ACSM5: variants seen among roughly 807,000 people sequenced by gnomAD.
ACSM5 encodes the protein acyl-CoA synthetase medium chain family member 5.
In ACSM5, 56 loss-of-function variants were observed where a neutral mutation model predicts 71.6. That is an observed-to-expected ratio of 0.78 (90% CI 0.63 to 0.98). The LOEUF (loss-of-function observed/expected upper bound fraction) is 0.98, where lower values mean the gene tolerates loss of function less well. ACSM5 is among the 50% of genes least tolerant of loss of function. ACSM5 has a pLI of 0.00. For missense variants in ACSM5, 723 were observed against 726.0 expected, an observed-to-expected ratio of 1.00 and a Z score of 0.05; for synonymous variants, 285 against 281.5, an observed-to-expected ratio of 1.01 and a Z score of -0.12.
intron 12 of ACSM5, among the ~76,000 whole-genome samples, chr16:20,437,588 C>T (rs1967228672): frequency 6.7e-6 from 1 of 148,692 alleles, no homozygotes; most frequent in Admixed American, 6.7e-5. Context: ...TTTAAATGGA[C>T]ACAACTACAT....
In ACSM5 at chr16:20,431,558, A is replaced by G. The variant is rs149191478; in HGVS notation, c.1308+237A>G. ...ATAGTACAGGCAGGACATGGGATTTAAATGTGGGTGTGTCTGAAAGCGTAA... is the reference window on the plus strand; with the variant it reads ...ATAGTACAGGCAGGACATGGGATTTGAATGTGGGTGTGTCTGAAAGCGTAA... On this transcript the variant is annotated intron_variant, in intron 10 of 13. Transcript: ENST00000331849. Among the ~76,000 whole-genome samples the G allele has an allele frequency of 7.6e-4, 116 of 152,216 alleles. 1 individual carries two copies. Among genetic ancestry groups the G allele is most frequent in the African/African-American group, 2.7e-3 (112 of 41,500 alleles).
At chr16:20,418,349 G>A (rs1366578500) in intron 3 of ACSM5, 80 bp downstream of exon 3, 13 of 1,377,250 alleles carry the variant, frequency 9.4e-6, no homozygotes, top group Admixed American at 2.5e-5. Context: ...GGGTCTTGAA[G>A]ATGGAGCAAA....
Position 20,411,616 on chromosome 16 carries a change from G to T in ACSM5, c.132G>T (p.Leu44=). ...KIVATWEAIS[L]GRQLVPEYFN... Reference sequence around the variant, plus strand: ...TGGCCACCTGGGAAGCCATCAGCCTGGGAAGGCAGCTGGTGCCTGAGTACT... The same window carrying T: ...TGGCCACCTGGGAAGCCATCAGCCTTGGAAGGCAGCTGGTGCCTGAGTACT... The change falls in exon 2 of 14, where the codon CTG becomes CTT. Residue 44 remains leucine (L), a synonymous_variant. Coordinates refer to ENST00000331849, the MANE Select transcript of ACSM5 (RefSeq NM_017888.3). 1 of 1,614,182 alleles carries T rather than the reference G, an allele frequency of 6.2e-7. No individual in the cohort carries two copies. Among genetic ancestry groups the T allele is most frequent in the Non-Finnish European group, 8.5e-7 (1 of 1,180,036 alleles).
Position 20,419,222 on chromosome 16 carries a change from T to A in ACSM5, c.416-6T>A, listed in dbSNP as rs367767304. On this transcript the variant is annotated splice_polypyrimidine_tract_variant and splice_region_variant and intron_variant, in intron 3 of 13. Coordinates refer to ENST00000331849, the MANE Select transcript of ACSM5 (RefSeq NM_017888.3). ...CCACTCAACATCCCCTTCTGTTTTATGCCAGGGACTGTGATGATTCCGGGT... is the reference window on the plus strand; with the variant it reads ...CCACTCAACATCCCCTTCTGTTTTAAGCCAGGGACTGTGATGATTCCGGGT... The A allele has an allele frequency of 3.1e-5, 50 of 1,614,022 alleles. No individual in the cohort carries two copies. The highest frequency in any genetic ancestry group is 4.0e-5 in the African/African-American group (3 of 74,914).
rs1331871810 is a variant in ACSM5, at chr16:20,427,876, C to G, written c.1001+9C>G. 4.4e-6 allele frequency: 7 copies of G among 1,606,832 alleles called. No homozygotes were observed. Among genetic ancestry groups the G allele is most frequent in the South Asian group, 1.1e-5 (1 of 90,834 alleles). On this transcript the variant is annotated intron_variant, in intron 7 of 13. Transcript: ENST00000331849. ...CAGGAGGATCTGACCAGGTACAGCC[C>G]GTCTATTTCGTGCTTTGAGGGCCTA...
chr16:20,410,330 C>T (rs914409660), intron 1 of ACSM5, among the ~76,000 whole-genome samples: 1 of 152,188 alleles, frequency 6.6e-6, no homozygotes, highest in African/African-American at 2.4e-5. Context: ...CAAACTTTAA[C>T]ATGCATATGA....
chr16:20,423,777 T>C, intron 5 of ACSM5, 139 bp from the exon 6 acceptor site: 1 of 980,492 alleles, frequency 1.0e-6, no homozygotes, highest in Non-Finnish European at 1.5e-6. Flanking sequence ...AATAGTTGAC[T>C]TGATGGTCTT....
At chr16:20,438,183 A>T (rs993338129) in intron 12 of ACSM5, among the ~76,000 whole-genome samples, 25 of 152,044 alleles carry the variant, frequency 1.6e-4, no homozygotes, top group South Asian at 8.4e-4. Context: ...AAGATCAGCT[A>T]ACAGGCAGAC....
intron 6 of ACSM5, among the ~76,000 whole-genome samples, chr16:20,426,088 A>G (rs55981745): frequency 6.6e-6 from 1 of 151,974 alleles, no homozygotes; most frequent in Non-Finnish European, 1.5e-5. Context: ...CCATGCCAAC[A>G]TCTATTATTT....
rs553267253 is a variant in ACSM5, at chr16:20,440,555, C to T, written c.*128C>T. On this transcript the variant is annotated 3_prime_UTR_variant, in exon 14 of 14. Transcript: ENST00000331849. ...ATGTCAAAGGTGTGCAGCTTCCAAA[C>T]GGCATCCCCAGGATCACTGGGCAAT... is the stretch of plus-strand genomic sequence containing the variant. The T allele has an allele frequency of 4.9e-5, 40 of 809,824 alleles. 2 individuals carry two copies. The highest frequency in any genetic ancestry group is 9.5e-5 in the South Asian group (6 of 63,414). The allele number at this position is 809,824 out of a possible 1,614,324, so 50.2% of individuals were successfully genotyped here.
At chr16:20,427,744 C>T (rs1967012095) in intron 6 of ACSM5, 44 bp from the exon 7 acceptor site, 1 of 1,341,674 alleles carries the variant, frequency 7.5e-7, no homozygotes, top group African/African-American at 1.4e-5. Context: ...ATGGTCCCAC[C>T]CCAATGATTC....
chr16:20,426,576 A>T (rs1391123354), intron 6 of ACSM5, among the ~76,000 whole-genome samples: 1 of 152,248 alleles, frequency 6.6e-6, no homozygotes, highest in Non-Finnish European at 1.5e-5. Context: ...ACCCAGCCTT[A>T]AAAAGGAAGG....
intron 2 of ACSM5, among the ~76,000 whole-genome samples, chr16:20,412,392 G>A (rs548658902): frequency 6.6e-6 from 1 of 152,108 alleles, no homozygotes; most frequent in African/African-American, 2.4e-5. Context: ...AATAAAATAA[G>A]GAAAGAATAG....
At chr16:20,431,877 G>A (rs968922249) in intron 10 of ACSM5, among the ~76,000 whole-genome samples, 1 of 151,802 alleles carries the variant, frequency 6.6e-6, no homozygotes, top group Non-Finnish European at 1.5e-5. Context: ...CTTGAACCAG[G>A]GAGGTTGCCG....
chr16:20,423,847 T>A (rs751690597), intron 5 of ACSM5, 69 bp from the exon 6 acceptor site: 1 of 1,578,368 alleles, frequency 6.3e-7, no homozygotes, highest in Non-Finnish European at 8.6e-7. Flanking sequence ...TGTGGTGATA[T>A]AGATAATACA....
intron 13 of ACSM5, 191 bp from the exon 14 acceptor site, chr16:20,440,153 T>C (rs954740662): frequency 4.5e-6 from 3 of 665,176 alleles, no homozygotes; most frequent in African/African-American, 3.6e-5. Flanking sequence ...ATACAAGAGG[T>C]AGTGCTCAAA....
intron 6 of ACSM5, among the ~76,000 whole-genome samples, chr16:20,424,775 T>G (rs1214030259): frequency 1.3e-5 from 2 of 152,220 alleles, no homozygotes; most frequent in African/African-American, 2.4e-5. Flanking sequence ...AGGGATACAT[T>G]TCTCTATAGA....
chr16:20,430,857 G>C, intron 8 of ACSM5, 136 bp from the exon 9 acceptor site: 1 of 641,430 alleles, frequency 1.6e-6, no homozygotes, highest in Non-Finnish European at 2.8e-6. Context: ...GAGGAGAAGG[G>C]AAAGAAAGAA....
intron 12 of ACSM5, among the ~76,000 whole-genome samples, chr16:20,439,037 A>G (rs1967263304): frequency 6.7e-6 from 1 of 149,402 alleles, no homozygotes; most frequent in Admixed American, 6.7e-5. Flanking sequence ...TCTTTCTAAA[A>G]GCATATCTGT....
Sources: gnomAD v4.1 joint callset for allele counts (sites outside exome capture counted in the v4.1 genomes callset) on GRCh38, gnomAD v4.1.1 for gene constraint, MANE v1.5 for transcripts, NCBI Gene and HGNC (gene_info 2026-07-23, HGNC 2026-07-21) for gene names.